TCEAL5: variants seen among roughly 807,000 people sequenced by gnomAD.
TCEAL5 encodes the protein transcription elongation factor A like 5.
For synonymous variants in TCEAL5, 65 were observed against 61.2 expected, an observed-to-expected ratio of 1.06 and a Z score of -0.29; for missense variants, 111 against 158.1, an observed-to-expected ratio of 0.70 and a Z score of 1.60.
intron 1 of TCEAL5, among the ~76,000 whole-genome samples, chrX:103,276,462 A>G (rs989568863): frequency 3.7e-5 from 4 of 109,390 alleles, no homozygotes; most frequent in African/African-American, 1.3e-4. Context: ...CATCTCGGGG[A>G]AATGACTCTT....
At chrX:103,275,547 G>A (rs192076464) in intron 1 of TCEAL5, among the ~76,000 whole-genome samples, 1 of 111,856 alleles carries the variant, frequency 8.9e-6, no homozygotes, top group Admixed American at 9.4e-5. Context: ...GTGGGAAATA[G>A]GCGAGAAAGA....
rs760360616 is a variant in TCEAL5, at chrX:103,274,306, A to G, written c.258T>C (p.Ser86=). 2 of 1,211,086 alleles carry G rather than the reference A, an allele frequency of 1.7e-6. No homozygotes were observed. The highest frequency in any genetic ancestry group is 2.2e-6 in the Non-Finnish European group (2 of 895,337). ...GKSEGEDKPQ[S]EGKPASQAKP... ...TGGCCTGGGAGGCTGGCTTGCCCTC[A>G]CTTTGTGGCTTGTCCTCACCTTCAG... Residue 86 remains serine, a synonymous_variant, in exon 3 of 3, where the codon AGT becomes AGC. Transcript: ENST00000372680.
At chrX:103,276,167 G>C (rs1925552972) in intron 1 of TCEAL5, among the ~76,000 whole-genome samples, 1 of 111,277 alleles carries the variant, frequency 9.0e-6, no homozygotes, top group African/African-American at 3.3e-5. Context: ...TTTTCTCGCC[G>C]TTTCGTCGCT....
chrX:103,276,012 A>T (rs1925550444), intron 1 of TCEAL5, among the ~76,000 whole-genome samples: 1 of 110,588 alleles, frequency 9.0e-6, no homozygotes, highest in South Asian at 3.9e-4. Flanking sequence ...TGACCCCCTT[A>T]GCCCACCGTT....
chrX:103,274,880 C>T (rs1925529498), intron 2 of TCEAL5, among the ~76,000 whole-genome samples: 2 of 112,080 alleles, frequency 1.8e-5, no homozygotes, highest in Non-Finnish European at 3.8e-5. Context: ...TATGCCTACC[C>T]ATACCAATTT....
In TCEAL5 at chrX:103,273,941, C is replaced by T; in HGVS notation, c.*2G>A. The T allele has an allele frequency of 8.3e-7, 1 of 1,209,342 alleles. No homozygotes were observed. The highest frequency in any genetic ancestry group is 1.7e-5 in the African/African-American group (1 of 57,832). ...AGAAATCAGAATTAAAGGCCAAAGACATTAAACATATGGGACATCTTCTAA... is the reference window on the plus strand; with the variant it reads ...AGAAATCAGAATTAAAGGCCAAAGATATTAAACATATGGGACATCTTCTAA... On this transcript the variant is annotated 3_prime_UTR_variant, in exon 3 of 3. Coordinates refer to ENST00000372680, the MANE Select transcript of TCEAL5 (RefSeq NM_001012979.3).
Position 103,274,368 on chromosome X carries a change from G to A in TCEAL5, c.196C>T (p.Leu66=). Residue 66 remains leucine, a synonymous_variant, in exon 3 of 3, where the codon CTG becomes TTG. Coordinates refer to ENST00000372680, the MANE Select transcript of TCEAL5 (RefSeq NM_001012979.3). ...DEGEPGDEGQ[L]EDEGNQEKQG... is the part of the protein sequence containing the mutation. ...TTTTCCTGGTTTCCCTCATCTTCCA[G>A]TTGTCCCTCATCACCTGGCTCTCCC... 1 of 1,210,958 alleles carries A rather than the reference G, an allele frequency of 8.3e-7. No individual in the cohort carries two copies. The highest frequency in any genetic ancestry group is 1.1e-6 in the Non-Finnish European group (1 of 895,363).
intron 2 of TCEAL5, among the ~76,000 whole-genome samples, chrX:103,274,837 A>T (rs775078366): frequency 8.9e-6 from 1 of 112,167 alleles, no homozygotes; most frequent in Non-Finnish European, 1.9e-5. Context: ...GCGTAGGAGC[A>T]TATTGGCCCT....
Position 103,273,806 on chromosome X carries a change from G to T in TCEAL5, c.*137C>A. 1.0e-6 allele frequency: 1 copy of T among 968,817 alleles called. No individual in the cohort carries two copies. Among genetic ancestry groups the T allele is most frequent in the Non-Finnish European group, 1.4e-6 (1 of 722,787 alleles). The allele number at this position is 968,817 out of a possible 1,213,427, so 79.8% of individuals were successfully genotyped here. ...ACAGAGCACTGTAGTTGGGTCAAAA[G>T]TCTGCTGGTAACAAGAGTGACACCT... On this transcript the variant is annotated 3_prime_UTR_variant, in exon 3 of 3. Transcript: ENST00000372680.
intron 1 of TCEAL5, among the ~76,000 whole-genome samples, chrX:103,275,712 G>C (rs961951357): frequency 3.6e-5 from 4 of 111,131 alleles, no homozygotes; most frequent in African/African-American, 1.3e-4. Flanking sequence ...CCTCACCCTA[G>C]GGTAGCCAAA....
Position 103,274,316 on chromosome X carries a change from T to C in TCEAL5, c.248A>G (p.Lys83Arg). ...GGCTGGCTTGCCCTCACTTTGTGGC[T>C]TGTCCTCACCTTCAGACTTGCCCTG... ...EKQGKSEGEDKPQSEGKPASQ... is the reference protein window; with the variant it reads ...EKQGKSEGEDRPQSEGKPASQ... The change falls in exon 3 of 3, where the codon AAG (lysine) becomes AGG (arginine). Residue 83 changes from lysine (K) to arginine (R), a missense_variant. Coordinates refer to ENST00000372680, the MANE Select transcript of TCEAL5 (RefSeq NM_001012979.3). The C allele has an allele frequency of 8.3e-7, 1 of 1,211,827 alleles. No homozygotes were observed. The highest frequency in any genetic ancestry group is 1.1e-6 in the Non-Finnish European group (1 of 895,511).
Position 103,276,659 on chromosome X carries a change from C to T in TCEAL5, c.-96+14G>A, listed in dbSNP as rs1925567121. 3 of 111,189 alleles carry T rather than the reference C, an allele frequency of 2.7e-5. No homozygotes were observed. Among genetic ancestry groups the T allele is most frequent in the Admixed American group, 9.5e-5 (1 of 10,547 alleles). The allele number at this position is 111,189 out of a possible 1,213,427, so 9.2% of individuals were successfully genotyped here. A position where few individuals can be genotyped will look rare whatever the true frequency, so the allele number is the denominator to read the frequency against. The stretch of plus-strand genomic sequence containing the variant: ...TTACCATCCCTACCTCAGGGGTCCC[C>T]GGCTTGTACCGACCTGCAGGGCTGT... On this transcript the variant is annotated intron_variant, in intron 1 of 2. Transcript: ENST00000372680.
chrX:103,273,718 T>C lies in TCEAL5; in HGVS notation c.*225A>G, dbSNP rs1602957439. On this transcript the variant is annotated 3_prime_UTR_variant, in exon 3 of 3. Transcript: ENST00000372680. ...TGGTTCTGAAAACTCTTTTTTATTG[T>C]TATTTTACAATGTACCATGAACATT... The C allele has an allele frequency of 4.1e-6, 2 of 487,064 alleles. No homozygotes were observed. Among genetic ancestry groups the C allele is most frequent in the Admixed American group, 8.8e-5 (2 of 22,769 alleles). 40.1% of individuals were successfully genotyped at this position (487,064 alleles called of 1,213,427 possible).
chrX:103,274,003 C>G lies in TCEAL5; in HGVS notation c.561G>C (p.Val187=), dbSNP rs771188748. ...DPFAPRGQRG[V]RGVRGGGRGQ... is the part of the protein sequence containing the mutation. ...CCCTACCTCCGCCCCTCACTCCCCT[C>G]ACACCCCGTTGGCCCCTTGGGGCGA... The change falls in exon 3 of 3, where the codon GTG becomes GTC. Residue 187 remains valine, a synonymous_variant. Coordinates refer to ENST00000372680, the MANE Select transcript of TCEAL5 (RefSeq NM_001012979.3). The G allele has an allele frequency of 5.8e-6, 7 of 1,212,267 alleles. No homozygotes were observed. Among genetic ancestry groups the G allele is most frequent in the Non-Finnish European group, 6.7e-6 (6 of 895,643 alleles).
rs201104941 is a variant in TCEAL5, at chrX:103,274,243, C to G, written c.321G>C (p.Pro107=). 5.0e-6 allele frequency: 6 copies of G among 1,211,500 alleles called. No individual in the cohort carries two copies. Among genetic ancestry groups the G allele is most frequent in the Non-Finnish European group, 6.7e-6 (6 of 895,509 alleles). ...CTTTCCGGGGCACATAATCTTCAGCCGGGCGCTTTTCGGCGGCCCGCGGCT... is the reference window on the plus strand; with the variant it reads ...CTTTCCGGGGCACATAATCTTCAGCGGGGCGCTTTTCGGCGGCCCGCGGCT... ...ESQPRAAEKR[P]AEDYVPRKAK... The change falls in exon 3 of 3, where the codon CCG becomes CCC. Residue 107 remains proline, a synonymous_variant. Transcript: ENST00000372680.
intron 2 of TCEAL5, 31 bp from the exon 3 acceptor site, chrX:103,274,621 G>T: frequency 8.8e-7 from 1 of 1,142,096 alleles, no homozygotes; most frequent in South Asian, 2.2e-5. Flanking sequence ...ACAGGACACT[G>T]AGGGCTTTGG....
intron 1 of TCEAL5, among the ~76,000 whole-genome samples, chrX:103,275,771 G>T (rs1050133537): frequency 9.0e-6 from 1 of 111,173 alleles, no homozygotes; most frequent in Non-Finnish European, 1.9e-5. Flanking sequence ...GAGATAGGGG[G>T]CAGGGCAGAA....
In TCEAL5 at chrX:103,274,513, G is replaced by A; in HGVS notation, c.51C>T (p.Asn17=). The A allele has an allele frequency of 1.7e-6, 2 of 1,206,860 alleles. No homozygotes were observed. Among genetic ancestry groups the A allele is most frequent in the Non-Finnish European group, 2.2e-6 (2 of 894,117 alleles). ...ENEGKPENER[N]LESEGKPEDE... ...CCTCTGGCTTTCCCTCACTTTCTAG[G>A]TTTCTTTCATTCTCTGGCTTTCCTT... Residue 17 remains asparagine, a synonymous_variant, in exon 3 of 3, where the codon AAC becomes AAT. Transcript: ENST00000372680.
Position 103,273,922 on chromosome X carries a change from C to A in TCEAL5, c.*21G>T. The stretch of plus-strand genomic sequence containing the variant: ...CTGGCAATATTCCCATCAGAGAAAT[C>A]AGAATTAAAGGCCAAAGACATTAAA... On this transcript the variant is annotated 3_prime_UTR_variant, in exon 3 of 3. Coordinates refer to ENST00000372680, the MANE Select transcript of TCEAL5 (RefSeq NM_001012979.3). 4 of 1,199,499 alleles carry A rather than the reference C, an allele frequency of 3.3e-6. No individual in the cohort carries two copies. The highest frequency in any genetic ancestry group is 4.5e-6 in the Non-Finnish European group (4 of 888,296).
Sources: allele counts gnomAD v4.1 joint callset (sites outside exome capture counted in the v4.1 genomes callset), GRCh38; gene constraint gnomAD v4.1.1; transcripts MANE v1.5; gene names NCBI Gene and HGNC (gene_info 2026-07-23, HGNC 2026-07-21).